The following PTPRM variants were observed in gnomAD, a reference collection of about 807,000 sequenced individuals.
PTPRM encodes the protein receptor-type tyrosine-protein phosphatase mu.
In PTPRM, 47 loss-of-function variants were observed where a neutral mutation model predicts 186.7. The observed-to-expected ratio is 0.25, with a 90% CI of 0.20 to 0.32. The LOEUF (loss-of-function observed/expected upper bound fraction) is 0.32, where lower values mean the gene tolerates loss of function less well. Ranked by LOEUF, PTPRM falls within the 10% of genes least tolerant of loss-of-function variation. The probability of loss-of-function intolerance (pLI) is 1.00; values close to 1 mark genes in which losing one functional copy is unlikely to be tolerated. For missense variants in PTPRM, 1,494 were observed against 1,865.0 expected, an observed-to-expected ratio of 0.80 and a Z score of 3.66; for synonymous variants, 668 against 674.9, an observed-to-expected ratio of 0.99 and a Z score of 0.16.
chr18:7,840,877 T>A (rs907095476), intron 2 of PTPRM, among the ~76,000 whole-genome samples: 2 of 152,220 alleles, frequency 1.3e-5, no homozygotes, highest in African/African-American at 4.8e-5. Flanking sequence ...AAAACTAACA[T>A]AAATTTTAGT....
chr18:7,765,856 A>G (rs1334392166), intron 1 of PTPRM, among the ~76,000 whole-genome samples: 1 of 152,230 alleles, frequency 6.6e-6, no homozygotes, highest in Non-Finnish European at 1.5e-5. Flanking sequence ...CAGAAAACTC[A>G]TCAAGGAGTA....
At chr18:7,584,718 C>T (rs964594704) in intron 1 of PTPRM, among the ~76,000 whole-genome samples, 3 of 152,152 alleles carry the variant, frequency 2.0e-5, no homozygotes, top group Non-Finnish European at 2.9e-5. Flanking sequence ...GAAGAATATT[C>T]AAGAGTTGTT....
At chr18:8,187,121 G>A (rs1398216146) in intron 14 of PTPRM, among the ~76,000 whole-genome samples, 1 of 152,052 alleles carries the variant, frequency 6.6e-6, no homozygotes. Context: ...TGTATTTTTA[G>A]CAGAGAAGGG....
chr18:8,329,332 A>C (rs1247091465), intron 22 of PTPRM, among the ~76,000 whole-genome samples: 1 of 152,254 alleles, frequency 6.6e-6, no homozygotes, highest in East Asian at 1.9e-4. Context: ...TGAGTCATAT[A>C]TGCAAAAGTA....
chr18:7,658,981 G>GC (rs2038917727), intron 1 of PTPRM, among the ~76,000 whole-genome samples: 33 of 152,208 alleles, frequency 2.2e-4, no homozygotes, highest in Middle Eastern at 3.4e-3. Context: ...CTGTGCATCT[G>GC]CCTGAAGCTC....
intron 1 of PTPRM, among the ~76,000 whole-genome samples, chr18:7,641,822 C>A (rs1469220677): frequency 6.6e-6 from 1 of 152,180 alleles, no homozygotes; most frequent in East Asian, 1.9e-4. Context: ...ACTTAAATTT[C>A]TAATTCATCT....
chr18:8,168,051 T>C (rs2093348258), intron 14 of PTPRM, among the ~76,000 whole-genome samples: 1 of 152,214 alleles, frequency 6.6e-6, no homozygotes, highest in African/African-American at 2.4e-5. Flanking sequence ...AAGCAGGAAA[T>C]GGTCTCTGCT....
intron 23 of PTPRM, among the ~76,000 whole-genome samples, chr18:8,358,380 A>G (rs2095576493): frequency 6.6e-6 from 1 of 152,140 alleles, no homozygotes. Flanking sequence ...AGTGCAGACC[A>G]TGGTCTCTCT....
chr18:7,850,612 C>G (rs17473530), intron 2 of PTPRM, among the ~76,000 whole-genome samples: 1,744 of 152,212 alleles, frequency 0.011, 14 homozygotes, highest in South Asian at 0.024. Flanking sequence ...ATTGGGACCT[C>G]AAAGGGTTTC....
At chr18:7,843,336 A>G (rs1252930767) in intron 2 of PTPRM, among the ~76,000 whole-genome samples, 2 of 152,204 alleles carry the variant, frequency 1.3e-5, no homozygotes, top group Non-Finnish European at 2.9e-5. Flanking sequence ...TCTTTAACTT[A>G]GGACCCTGAA....
intron 17 of PTPRM, among the ~76,000 whole-genome samples, chr18:8,249,343 A>G (rs1601468809): frequency 6.6e-6 from 1 of 152,228 alleles, no homozygotes; most frequent in Non-Finnish European, 1.5e-5. Context: ...AAGAATGGAT[A>G]TAAAACAGAG....
At chr18:8,248,118 C>T (rs1366677716) in intron 16 of PTPRM, 32 bp from the exon 17 acceptor site, 9 of 1,522,106 alleles carry the variant, frequency 5.9e-6, no homozygotes, top group African/African-American at 1.4e-5. Flanking sequence ...TTTTTACTTT[C>T]TCTGCATTGA....
At chr18:7,578,538 T>C (rs920493662) in intron 1 of PTPRM, among the ~76,000 whole-genome samples, 2 of 152,020 alleles carry the variant, frequency 1.3e-5, no homozygotes, top group African/African-American at 4.8e-5. Flanking sequence ...GGTTTCACTG[T>C]GTTAGCCAGG....
chr18:7,877,866 G>A (rs1212721840), intron 2 of PTPRM, among the ~76,000 whole-genome samples: 3 of 152,068 alleles, frequency 2.0e-5, no homozygotes, highest in East Asian at 1.9e-4. Flanking sequence ...TTTTCATAAG[G>A]TCACAGAACT....
intron 2 of PTPRM, among the ~76,000 whole-genome samples, chr18:7,812,449 G>T (rs1267300470): frequency 6.6e-6 from 1 of 152,184 alleles, no homozygotes; most frequent in Non-Finnish European, 1.5e-5. Context: ...ATGGTGAATG[G>T]TATTTTGCAG....
chr18:8,381,403 A>G (rs2095734991), intron 29 of PTPRM, among the ~76,000 whole-genome samples: 2 of 151,424 alleles, frequency 1.3e-5, no homozygotes, highest in African/African-American at 2.4e-5. Context: ...CGGCATCCCA[A>G]CTGGACATGA....
intron 1 of PTPRM, among the ~76,000 whole-genome samples, chr18:7,631,033 C>T (rs1373683375): frequency 2.0e-5 from 3 of 152,118 alleles, no homozygotes; most frequent in Non-Finnish European, 4.4e-5. Context: ...TCAGAGATCC[C>T]GGGGACTACC....
At chr18:7,983,180 C>G (rs1050336164) in intron 7 of PTPRM, among the ~76,000 whole-genome samples, 2 of 152,096 alleles carry the variant, frequency 1.3e-5, no homozygotes, top group Non-Finnish European at 2.9e-5. Flanking sequence ...GGCGGGCGAG[C>G]ATCACCACCT....
At chr18:7,915,826 G>C (rs925932458) in intron 4 of PTPRM, among the ~76,000 whole-genome samples, 3 of 152,124 alleles carry the variant, frequency 2.0e-5, no homozygotes, top group African/African-American at 7.2e-5. Context: ...CCTGAAAATG[G>C]TTGTAGGATT....
Sources: gnomAD v4.1 joint callset for allele counts (sites outside exome capture counted in the v4.1 genomes callset) on GRCh38, gnomAD v4.1.1 for gene constraint, MANE v1.5 for transcripts, NCBI Gene and HGNC (gene_info 2026-07-23, HGNC 2026-07-21) for gene names.